The following ANO10 variants were observed in gnomAD, a reference collection of about 807,000 sequenced individuals.
ANO10 encodes anoctamin 10, also known as anoctamin-10.
A neutral mutation model predicts 74.7 loss-of-function variants in ANO10; 77 were observed. That is an observed-to-expected ratio of 1.03 (90% CI 0.86 to 1.25). ANO10 has a LOEUF of 1.25. ANO10 is among the 50% of genes most tolerant of loss of function. The pLI is 0.00. For missense variants in ANO10, 721 were observed against 778.1 expected, an observed-to-expected ratio of 0.93 and a Z score of 0.87; for synonymous variants, 279 against 284.9, an observed-to-expected ratio of 0.98 and a Z score of 0.21.
At chr3:43,579,880 C>T (rs2149411748) in intron 5 of ANO10, among the ~76,000 whole-genome samples, 1 of 152,136 alleles carries the variant, frequency 6.6e-6, no homozygotes, top group Non-Finnish European at 1.5e-5. Flanking sequence ...AAATGCAAGG[C>T]ACAATAGCTC....
chr3:43,590,958 C>T (rs2081712001), intron 4 of ANO10, among the ~76,000 whole-genome samples: 1 of 152,110 alleles, frequency 6.6e-6, no homozygotes, highest in Non-Finnish European at 1.5e-5. Context: ...ACTAAAATAC[C>T]AATTAGGCTA....
At chr3:43,546,365 C>T (rs2079190419) in intron 11 of ANO10, among the ~76,000 whole-genome samples, 1 of 152,070 alleles carries the variant, frequency 6.6e-6, no homozygotes, top group Non-Finnish European at 1.5e-5. Context: ...TACTACAAAG[C>T]TATGGAAATC....
At chr3:43,458,041 A>G (rs1267593219) in intron 11 of ANO10, among the ~76,000 whole-genome samples, 1 of 152,190 alleles carries the variant, frequency 6.6e-6, no homozygotes, top group Non-Finnish European at 1.5e-5. Context: ...ACTGAGCTCC[A>G]GGCAACAAAG....
At chr3:43,435,784 T>C (rs918044796) in intron 11 of ANO10, among the ~76,000 whole-genome samples, 2 of 152,194 alleles carry the variant, frequency 1.3e-5, no homozygotes, top group Admixed American at 6.5e-5. Flanking sequence ...TTCACAGATA[T>C]TGGTTAATTA....
chr3:43,505,918 G>A (rs1243582174), intron 11 of ANO10, among the ~76,000 whole-genome samples: 1 of 152,100 alleles, frequency 6.6e-6, no homozygotes, highest in Non-Finnish European at 1.5e-5. Context: ...AGAGACATGT[G>A]CCTTGTTTCT....
At chr3:43,511,468 T>C (rs1018218745) in intron 11 of ANO10, among the ~76,000 whole-genome samples, 12 of 152,202 alleles carry the variant, frequency 7.9e-5, no homozygotes, top group Non-Finnish European at 1.6e-4. Flanking sequence ...CCCATCCCTA[T>C]CTCTGACTGA....
chr3:43,568,589 G>C (rs1333562893), intron 7 of ANO10, among the ~76,000 whole-genome samples: 6 of 147,240 alleles, frequency 4.1e-5, no homozygotes, highest in African/African-American at 1.5e-4. Context: ...ATGACTACTG[G>C]GTACATAACG....
chr3:43,565,521 T>C, intron 8 of ANO10, 132 bp downstream of exon 8: 1 of 809,036 alleles, frequency 1.2e-6, no homozygotes, highest in South Asian at 1.7e-5. Context: ...TTATTTAGAA[T>C]TTGGCTTAAA....
chr3:43,538,731 G>T (rs2078826546), intron 11 of ANO10, among the ~76,000 whole-genome samples: 1 of 152,150 alleles, frequency 6.6e-6, no homozygotes, highest in Non-Finnish European at 1.5e-5. Flanking sequence ...TAGATGCAGA[G>T]GGGGATGCAG....
chr3:43,528,266 G>A lies in ANO10; in HGVS notation c.1797+21454C>T, dbSNP rs118091528. Among the ~76,000 whole-genome samples, 540 of 149,580 alleles carry A rather than the reference G, an allele frequency of 3.6e-3. 14 individuals are homozygous for A. The East Asian group carries it at 0.063, about 17-fold the overall frequency. On this transcript the variant is annotated intron_variant, in intron 11 of 12. Transcript: ENST00000292246. ...ACTATGAAAATAAAACAGACATTGA[G>A]AATCAAAGTATTTCCATTTTTGATT...
At chr3:43,686,337 G>C (rs1272771950) in intron 1 of ANO10, among the ~76,000 whole-genome samples, 1 of 152,066 alleles carries the variant, frequency 6.6e-6, no homozygotes, top group African/African-American at 2.4e-5. Context: ...CCAGCCTGGG[G>C]TACAGTGACA....
intron 11 of ANO10, among the ~76,000 whole-genome samples, chr3:43,528,009 C>T (rs949296604): frequency 4.6e-5 from 7 of 152,084 alleles, no homozygotes; most frequent in Admixed American, 4.6e-4. Context: ...TAGAAATTAA[C>T]AGTCCTAAAG....
intron 1 of ANO10, among the ~76,000 whole-genome samples, chr3:43,607,214 C>T (rs1388369825): frequency 6.6e-6 from 1 of 151,586 alleles, no homozygotes; most frequent in African/African-American, 2.4e-5. Flanking sequence ...AACAAAAAGC[C>T]AACTAAGCTG....
At chr3:43,412,528 T>C (rs1279634741) in intron 12 of ANO10, among the ~76,000 whole-genome samples, 1 of 152,188 alleles carries the variant, frequency 6.6e-6, no homozygotes, top group African/African-American at 2.4e-5. Flanking sequence ...GCTGTTCCCA[T>C]TCCAGAGTGC....
chr3:43,690,695 C>T, intron 1 of ANO10: 1 of 385,318 alleles, frequency 2.6e-6, no homozygotes, highest in Non-Finnish European at 4.6e-6. Flanking sequence ...TTAGCTAAAA[C>T]ACCTAACTCA....
Position 43,576,685 on chromosome 3 carries a change from G to C in ANO10, c.1162+7C>G. The C allele has an allele frequency of 6.2e-7, 1 of 1,613,838 alleles. No individual in the cohort carries two copies. Among genetic ancestry groups the C allele is most frequent in the South Asian group, 1.1e-5 (1 of 91,066 alleles). On this transcript the variant is annotated splice_region_variant and intron_variant, in intron 6 of 12. Coordinates refer to ENST00000292246, the MANE Select transcript of ANO10 (RefSeq NM_018075.5). Reference sequence around the variant, plus strand: ...GTAAGACGTGAATATAAAGCCTCAAGTCTTACCCCATGAAGTTAAAAACTC... The same window carrying C: ...GTAAGACGTGAATATAAAGCCTCAACTCTTACCCCATGAAGTTAAAAACTC...
intron 11 of ANO10, among the ~76,000 whole-genome samples, chr3:43,451,734 G>A (rs1056277969): frequency 2.0e-5 from 3 of 152,112 alleles, no homozygotes; most frequent in African/African-American, 7.2e-5. Flanking sequence ...AGACTATAAA[G>A]TAATGTAAAT....
chr3:43,482,045 C>T (rs1263587047), intron 11 of ANO10, among the ~76,000 whole-genome samples: 1 of 150,964 alleles, frequency 6.6e-6, no homozygotes, highest in African/African-American at 2.4e-5. Flanking sequence ...TCTCCTGCCT[C>T]AGCCTCCCGA....
chr3:43,507,630 C>G (rs1011591454), intron 11 of ANO10, among the ~76,000 whole-genome samples: 11 of 151,982 alleles, frequency 7.2e-5, no homozygotes, highest in Non-Finnish European at 1.5e-4. Flanking sequence ...AGGAGAGTCA[C>G]TGGTAGGCCC....
Sources: allele counts gnomAD v4.1 joint callset (sites outside exome capture counted in the v4.1 genomes callset), GRCh38; gene constraint gnomAD v4.1.1; transcripts MANE v1.5; gene names NCBI Gene and HGNC (gene_info 2026-07-23, HGNC 2026-07-21).